PAXBP1: variants seen among roughly 807,000 people sequenced by gnomAD.
PAXBP1 encodes PAX3- and PAX7-binding protein 1.
A neutral mutation model predicts 119.9 loss-of-function variants in PAXBP1; 44 were observed. The observed-to-expected ratio is 0.37, with a 90% CI of 0.29 to 0.47. PAXBP1 has a LOEUF of 0.47. Ranked by LOEUF, PAXBP1 falls within the 20% of genes least tolerant of loss-of-function variation. PAXBP1 has a pLI of 0.99. For synonymous variants in PAXBP1, 393 were observed against 406.6 expected, an observed-to-expected ratio of 0.97 and a Z score of 0.40; for missense variants, 898 against 1,134.1, an observed-to-expected ratio of 0.79 and a Z score of 2.99.
chr21:32,746,380 CT>C (rs2043872000), intron 11 of PAXBP1, among the ~76,000 whole-genome samples: 2 of 152,072 alleles, frequency 1.3e-5, no homozygotes, highest in African/African-American at 4.8e-5. Context: ...TGACAAAGGT[CT>C]AATATCCAGA....
At position 32,745,680 on chromosome 21, in the gene PAXBP1, T is replaced by C. The variant is rs569001253; in HGVS notation, c.1962A>G (p.Glu654=). The change falls in exon 12 of 18, where the codon GAA becomes GAG. Residue 654 remains glutamate, a synonymous_variant. Transcript: ENST00000331923. ...CRDFENMLWF[E]SLLFYGCEER... ...CTTCACAACCATAAAACAGCAAAGA[T>C]TCAAACCACAGCATATTCTCAAAGT... 8.1e-6 allele frequency: 13 copies of C among 1,614,004 alleles called. No individual in the cohort carries two copies. In the South Asian group the frequency reaches 1.3e-4, roughly 16 times the overall value.
chr21:32,740,890 G>A (rs1239709703), intron 15 of PAXBP1, among the ~76,000 whole-genome samples: 6 of 151,446 alleles, frequency 4.0e-5, no homozygotes, highest in Non-Finnish European at 4.4e-5. Context: ...TGCTTAGTAA[G>A]AATAAAGCCC....
At chr21:32,747,049 T>C (rs2043884103) in intron 11 of PAXBP1, among the ~76,000 whole-genome samples, 1 of 122,376 alleles carries the variant, frequency 8.2e-6, no homozygotes, top group South Asian at 2.7e-4. Flanking sequence ...TATGGACACA[T>C]ACTGGGGAAA....
chr21:32,758,999 T>C (rs1601602679), intron 7 of PAXBP1, 81 bp downstream of exon 7: 1 of 1,355,810 alleles, frequency 7.4e-7, no homozygotes. Context: ...TTTCTGAGAA[T>C]TATAGAATGT....
chr21:32,759,623 C>T, intron 6 of PAXBP1, 154 bp downstream of exon 6: 1 of 693,984 alleles, frequency 1.4e-6, no homozygotes, highest in Non-Finnish European at 2.4e-6. Context: ...AAGAAGGTAG[C>T]AGAACAAAGT....
rs1268023336 is a variant in PAXBP1, at chr21:32,771,648, C to T, written c.21G>A (p.Arg7=). Residue 7 remains arginine (R), a synonymous_variant, in exon 1 of 18, where the codon CGG becomes CGA. Coordinates refer to ENST00000331923, the MANE Select transcript of PAXBP1 (RefSeq NM_016631.4). ...AGTCGTTCCGCTTGCGCACGTTCAC[C>T]CGCCGGGCCTTTCGGAACATCCCCG... MFRKAR[R]VNVRKRNDSE... is the part of the protein sequence containing the mutation. 3.5e-6 allele frequency: 5 copies of T among 1,440,448 alleles called. No homozygotes were observed. Among genetic ancestry groups the T allele is most frequent in the Non-Finnish European group, 1.8e-6 (2 of 1,098,858 alleles). The allele number at this position is 1,440,448 out of a possible 1,614,324, so 89.2% of individuals were successfully genotyped here. A position where few individuals can be genotyped will look rare whatever the true frequency, so the allele number is the denominator to read the frequency against.
chr21:32,771,743 A>G lies in PAXBP1; in HGVS notation c.-75T>C. ...GGCAGCGCCGAGCTCGTGACGGCGC[A>G]CGCGCGCTCTCCGGAGCTCCAGCCG... On this transcript the variant is annotated 5_prime_UTR_variant, in exon 1 of 18. Coordinates refer to ENST00000331923, the MANE Select transcript of PAXBP1 (RefSeq NM_016631.4). 8.1e-7 allele frequency: 1 copy of G among 1,240,448 alleles called. No individual in the cohort carries two copies. The highest frequency in any genetic ancestry group is 1.0e-6 in the Non-Finnish European group (1 of 968,942). The allele number at this position is 1,240,448 out of a possible 1,614,324, so 76.8% of individuals were successfully genotyped here.
At chr21:32,758,370 C>T (rs1168849593) in intron 7 of PAXBP1, among the ~76,000 whole-genome samples, 1 of 150,194 alleles carries the variant, frequency 6.7e-6, no homozygotes, top group Non-Finnish European at 1.5e-5. Context: ...GCTTATAAAC[C>T]AGTGCCTCAA....
At chr21:32,752,606 C>G (rs2043973508) in intron 8 of PAXBP1, among the ~76,000 whole-genome samples, 1 of 152,210 alleles carries the variant, frequency 6.6e-6, no homozygotes, top group Non-Finnish European at 1.5e-5. Context: ...GCTCTTACTT[C>G]AGAATATCCT....
chr21:32,754,484 C>T (rs565847128), intron 8 of PAXBP1, among the ~76,000 whole-genome samples: 5 of 151,962 alleles, frequency 3.3e-5, no homozygotes, highest in Admixed American at 2.6e-4. Context: ...TGGAGGGTAA[C>T]GGAAAAAAAG....
Position 32,759,929 on chromosome 21 carries a change from G to A in PAXBP1, c.1041C>T (p.Tyr347=), listed in dbSNP as rs61751893. 3.5e-5 allele frequency: 56 copies of A among 1,613,976 alleles called. No homozygotes were observed. Among genetic ancestry groups the A allele is most frequent in the African/African-American group, 9.3e-5 (7 of 75,042 alleles). Residue 347 remains tyrosine (Y), a synonymous_variant, in exon 6 of 18, where the codon TAC becomes TAT. Coordinates refer to ENST00000331923, the MANE Select transcript of PAXBP1 (RefSeq NM_016631.4). ...YYQNTYQTMP[Y]GSSYGIPYSY... The stretch of plus-strand genomic sequence containing the variant: ...TATAAGGAATGCCATAGGATGAGCC[G>A]TAAGGCATTGTCTGGTAAGTGTTCT...
At chr21:32,737,960 T>C (rs988000627) in intron 16 of PAXBP1, among the ~76,000 whole-genome samples, 1 of 152,020 alleles carries the variant, frequency 6.6e-6, no homozygotes, top group African/African-American at 2.4e-5. Flanking sequence ...AATATGGATA[T>C]AGATGGATAT....
In PAXBP1 at chr21:32,737,966, G is replaced by GAT. The variant is rs112423516; in HGVS notation, c.2481+205_2481+206dup. Among the ~76,000 whole-genome samples, 1,403 of 150,320 alleles carry GAT rather than the reference G, an allele frequency of 9.3e-3. 8 individuals are homozygous for GAT. The highest frequency in any genetic ancestry group is 0.01 in the Non-Finnish European group (688 of 67,442). On this transcript the variant is annotated intron_variant, in intron 16 of 17. Transcript: ENST00000331923. ...ATCTATAAAAATATGGATATAGATG[G>GAT]ATATATATATATATAACAGTATGCA... is the stretch of plus-strand genomic sequence containing the variant.
intron 2 of PAXBP1, among the ~76,000 whole-genome samples, chr21:32,769,433 C>A (rs2044297359): frequency 6.6e-6 from 1 of 152,050 alleles, no homozygotes. Context: ...GGAAATACCA[C>A]CAAAGAAATC....
Position 32,764,498 on chromosome 21 carries a change from G to A in PAXBP1, c.499C>T (p.His167Tyr). 3 of 1,608,536 alleles carry A rather than the reference G, an allele frequency of 1.9e-6. No homozygotes were observed. ...ESEQPLDKTG[H>Y]VKDTNQEDGV... ...TCTTCTTGATTTGTATCCTTAACAT[G>A]TCCTGTTTTGTCCAAAGGTTGTTCA... The change falls in exon 3 of 18, where the codon CAT becomes TAT. Residue 167 changes from histidine (H) to tyrosine (Y), a missense_variant. His to Tyr is a moderately conservative substitution (Grantham distance 83, BLOSUM62 2). Transcript: ENST00000331923.
At chr21:32,754,196 G>A (rs908416132) in intron 8 of PAXBP1, among the ~76,000 whole-genome samples, 1 of 152,176 alleles carries the variant, frequency 6.6e-6, no homozygotes, top group African/African-American at 2.4e-5. Flanking sequence ...CTGACTTAGA[G>A]ACCATGTATA....
intron 2 of PAXBP1, among the ~76,000 whole-genome samples, chr21:32,766,346 T>C (rs1000350212): frequency 1.3e-5 from 2 of 152,212 alleles, no homozygotes; most frequent in Admixed American, 6.5e-5. Flanking sequence ...AGTGGTCACA[T>C]GTTACCCTTC....
chr21:32,752,759 C>G (rs2043976939), intron 8 of PAXBP1, among the ~76,000 whole-genome samples: 1 of 152,110 alleles, frequency 6.6e-6, no homozygotes, highest in Non-Finnish European at 1.5e-5. Context: ...CCCGCCTCAG[C>G]CTCCTCCTGA....
intron 2 of PAXBP1, among the ~76,000 whole-genome samples, chr21:32,765,072 C>T (rs575020929): frequency 6.6e-6 from 1 of 152,318 alleles, no homozygotes; most frequent in East Asian, 1.9e-4. Flanking sequence ...GAGATCCCAG[C>T]AGTCACATTT....
Sources: allele counts gnomAD v4.1 joint callset (sites outside exome capture counted in the v4.1 genomes callset), GRCh38; gene constraint gnomAD v4.1.1; transcripts MANE v1.5; gene names NCBI Gene and HGNC (gene_info 2026-07-23, HGNC 2026-07-21).